Variants in DESI1 observed in about 807,000 individuals in gnomAD.
DESI1 encodes the protein desumoylating isopeptidase 1.
DESI1 carries 17 observed loss-of-function variants against 22.4 expected under a neutral mutation model. That is an observed-to-expected ratio of 0.76 (90% CI 0.52 to 1.14). The LOEUF is 1.14. DESI1 is among the 50% of genes most tolerant of loss of function. DESI1 has a pLI of 0.00. For synonymous variants in DESI1, 92 were observed against 84.2 expected (o/e 1.09, Z -0.51); for missense variants, 177 against 208.9 (o/e 0.85, Z 0.94).
At chr22:41,604,938 G>A (rs1252964535) in intron 3 of DESI1, among the ~76,000 whole-genome samples, 1 of 151,762 alleles carries the variant, frequency 6.6e-6, no homozygotes, top group Non-Finnish European at 1.5e-5. Context: ...GGGGAGGGGG[G>A]GCCCTGGGAA....
chr22:41,614,733 C>T (rs1377210358), intron 1 of DESI1, among the ~76,000 whole-genome samples: 6 of 151,442 alleles, frequency 4.0e-5, no homozygotes, highest in Non-Finnish European at 7.4e-5. Flanking sequence ...TACAGGCATG[C>T]GCCACCGTGC....
chr22:41,620,638 C>T, intron 1 of DESI1, 114 bp downstream of exon 1: 2 of 1,058,142 alleles, frequency 1.9e-6, no homozygotes, highest in African/African-American at 1.6e-5. Flanking sequence ...TTTCTTCCAT[C>T]CTCCTGGCCA....
In DESI1 at chr22:41,600,793, GT is replaced by G. The variant is rs2067445422; in HGVS notation, c.*303del. On this transcript the variant is annotated 3_prime_UTR_variant, in exon 6 of 6. Coordinates refer to ENST00000263256, the MANE Select transcript of DESI1 (RefSeq NM_015704.3). ...TCCCGCAAACTGTGACTCGCTTTCTGTTTAAACAAAGCCCCTCCCTTTCTCC... is the reference window on the plus strand; with the variant it reads ...TCCCGCAAACTGTGACTCGCTTTCTGTTAAACAAAGCCCCTCCCTTTCTCC... 2 of 301,118 alleles carry G rather than the reference GT, an allele frequency of 6.6e-6. No individual in the cohort carries two copies. Among genetic ancestry groups the G allele is most frequent in the South Asian group, 6.7e-5 (2 of 29,732 alleles). The allele number at this position is 301,118 out of a possible 1,614,324, so 18.7% of individuals were successfully genotyped here.
chr22:41,607,991 C>G (rs1456341780), intron 1 of DESI1, 130 bp from the exon 2 acceptor site: 2 of 920,386 alleles, frequency 2.2e-6, no homozygotes, highest in Admixed American at 4.3e-5. Context: ...TCTAGGAATG[C>G]AAGTCCCCTC....
rs544859436 is a variant in DESI1 at position 41,598,620 on chromosome 22, T to G, written c.*2477A>C. Reference sequence around the variant, plus strand: ...CTGGAAGAAGCAAACCAGCTGAAACTGGATCTGGAAGAGGAGAAAGGAAAA... The same window carrying G: ...CTGGAAGAAGCAAACCAGCTGAAACGGGATCTGGAAGAGGAGAAAGGAAAA... On this transcript the variant is annotated 3_prime_UTR_variant, in exon 6 of 6. Transcript: ENST00000263256. 1.2e-4 allele frequency: 18 copies of G among 152,584 alleles called. No homozygotes were observed. The highest frequency in any genetic ancestry group is 3.9e-4 in the African/African-American group (16 of 41,524). 9.5% of individuals were successfully genotyped at this position (152,584 alleles called of 1,614,324 possible). A position where few individuals can be genotyped will look rare whatever the true frequency, so the allele number is the denominator to read the frequency against.
intron 3 of DESI1, among the ~76,000 whole-genome samples, chr22:41,606,833 G>A (rs1053491770): frequency 6.0e-5 from 9 of 148,960 alleles, no homozygotes; most frequent in Admixed American, 4.0e-4. Context: ...GGGCTTTAGT[G>A]TGATAATCCT....
Position 41,601,067 on chromosome 22 carries a change from G to T in DESI1, c.*30C>A. On this transcript the variant is annotated 3_prime_UTR_variant, in exon 6 of 6. Coordinates refer to ENST00000263256, the MANE Select transcript of DESI1 (RefSeq NM_015704.3). ...GTTTTGTTTAAAAAGGAAAAGCCCT[G>T]GTGAGGCAGGGCGGTCCCAGGCAGT... is the stretch of plus-strand genomic sequence containing the variant. 1 of 1,588,938 alleles carries T rather than the reference G, an allele frequency of 6.3e-7. No homozygotes were observed. Among genetic ancestry groups the T allele is most frequent in the South Asian group, 1.1e-5 (1 of 89,684 alleles).
At chr22:41,604,228 G>T in intron 3 of DESI1, 75 bp from the exon 4 acceptor site, 20 of 854,804 alleles carry the variant, frequency 2.3e-5, no homozygotes, top group Non-Finnish European at 3.1e-5. Flanking sequence ...TCCCACAGTA[G>T]ACCACAAACA....
intron 1 of DESI1, among the ~76,000 whole-genome samples, chr22:41,609,121 T>C (rs1033590927): frequency 2.6e-5 from 4 of 152,210 alleles, no homozygotes; most frequent in East Asian, 3.9e-4. Flanking sequence ...TTTGTATTTT[T>C]AGTAGAGACA....
intron 5 of DESI1, chr22:41,602,124 T>C: frequency 2.7e-6 from 2 of 744,948 alleles, no homozygotes; most frequent in Non-Finnish European, 3.3e-6. Flanking sequence ...TAAATAAGGT[T>C]GCCCAGAAAC....
At chr22:41,618,662 C>G (rs1334455434) in intron 1 of DESI1, among the ~76,000 whole-genome samples, 1 of 152,014 alleles carries the variant, frequency 6.6e-6, no homozygotes, top group Admixed American at 6.6e-5. Context: ...TAAAAAATAC[C>G]CAGTGTAAAG....
intron 1 of DESI1, among the ~76,000 whole-genome samples, chr22:41,619,517 T>C (rs572305388): frequency 2.0e-5 from 3 of 152,368 alleles, no homozygotes; most frequent in Non-Finnish European, 2.9e-5. Context: ...AGCACATATA[T>C]ATCCTTTGAT....
At chr22:41,609,186 C>T (rs548366156) in intron 1 of DESI1, among the ~76,000 whole-genome samples, 4 of 152,286 alleles carry the variant, frequency 2.6e-5, no homozygotes, top group Non-Finnish European at 4.4e-5. Context: ...AAGTGATCCA[C>T]CTGCCTCAGC....
At chr22:41,612,718 C>T (rs1279593301) in intron 1 of DESI1, among the ~76,000 whole-genome samples, 1 of 151,236 alleles carries the variant, frequency 6.6e-6, no homozygotes, top group Non-Finnish European at 1.5e-5. Context: ...ACTTCAGCTT[C>T]CCAGTTGCTG....
At chr22:41,606,196 T>TA (rs543388572) in intron 3 of DESI1, among the ~76,000 whole-genome samples, 1 of 151,760 alleles carries the variant, frequency 6.6e-6, no homozygotes, top group Non-Finnish European at 1.5e-5. Flanking sequence ...ATCCTATCTC[T>TA]AAAAAAATAG....
rs1193969493 is a variant in DESI1 at position 41,599,289 on chromosome 22, T to C, written c.*1808A>G. On this transcript the variant is annotated 3_prime_UTR_variant, in exon 6 of 6. Coordinates refer to ENST00000263256, the MANE Select transcript of DESI1 (RefSeq NM_015704.3). ...GGGTACCTGGCAGCTCTGAGTCCCT[T>C]CTTCATGCTCACTTTCCCAAAATCT... 6.6e-6 allele frequency: 1 copy of C among 152,164 alleles called. No individual in the cohort carries two copies. The highest frequency in any genetic ancestry group is 2.4e-5 in the African/African-American group (1 of 41,426). The allele number at this position is 152,164 out of a possible 1,614,324, so 9.4% of individuals were successfully genotyped here. A position where few individuals can be genotyped will look rare whatever the true frequency, so the allele number is the denominator to read the frequency against.
Position 41,598,285 on chromosome 22 carries a change from C to T in DESI1, c.*2812G>A, listed in dbSNP as rs909735800. The T allele has an allele frequency of 2.0e-5, 3 of 152,316 alleles. No individual in the cohort carries two copies. Among genetic ancestry groups the T allele is most frequent in the African/African-American group, 4.8e-5 (2 of 41,446 alleles). The allele number at this position is 152,316 out of a possible 1,614,324, so 9.4% of individuals were successfully genotyped here. ...CTGTGCTTGCCTGTTCACATCCAGGCGGAGTTAGCCGGCCACAATGAGAAT... is the reference window on the plus strand; with the variant it reads ...CTGTGCTTGCCTGTTCACATCCAGGTGGAGTTAGCCGGCCACAATGAGAAT... On this transcript the variant is annotated 3_prime_UTR_variant, in exon 6 of 6. Coordinates refer to ENST00000263256, the MANE Select transcript of DESI1 (RefSeq NM_015704.3).
chr22:41,611,591 CTTTTTTT>C (rs132764), intron 1 of DESI1, among the ~76,000 whole-genome samples: 2 of 103,896 alleles, frequency 1.9e-5, no homozygotes. Flanking sequence ...CCTGTTCCTT[CTTTTTTT>C]TTTTTTTTTT....
chr22:41,606,706 G>A (rs148845860), intron 3 of DESI1, among the ~76,000 whole-genome samples: 829 of 150,042 alleles, frequency 5.5e-3, no homozygotes, highest in Non-Finnish European at 9.7e-3. Flanking sequence ...CCCGGGAGGC[G>A]GAGCTTGCAG....
Sources: allele counts gnomAD v4.1 joint callset (sites outside exome capture counted in the v4.1 genomes callset), GRCh38; gene constraint gnomAD v4.1.1; transcripts MANE v1.5; gene names NCBI Gene and HGNC (gene_info 2026-07-23, HGNC 2026-07-21).